The following AMZ1 variants were observed in gnomAD, a reference collection of about 807,000 sequenced individuals.
The protein encoded by AMZ1 is archaelysin family metallopeptidase 1.
A neutral mutation model predicts 29.9 loss-of-function variants in AMZ1; 39 were observed. That is an observed-to-expected ratio of 1.30 (90% CI 1.01 to 1.70). AMZ1 has a LOEUF of 1.70. Ranked by LOEUF, AMZ1 falls within the 40% of genes most tolerant of loss-of-function variation. The pLI is 0.00. For missense variants in AMZ1, 1,041 were observed against 680.6 expected (o/e 1.53, Z -5.89); for synonymous variants, 458 against 304.0 (o/e 1.51, Z -5.27).
intron 6 of AMZ1, among the ~76,000 whole-genome samples, chr7:2,711,330 A>T (rs1313637409): frequency 2.6e-5 from 4 of 152,218 alleles, no homozygotes; most frequent in African/African-American, 7.2e-5. Context: ...CACTGACAGC[A>T]ATCAGTGAAA....
chr7:2,708,127 C>T (rs552663440), intron 3 of AMZ1, among the ~76,000 whole-genome samples: 28 of 152,214 alleles, frequency 1.8e-4, no homozygotes, highest in South Asian at 6.2e-4. Flanking sequence ...CCGGCCTTAC[C>T]GAGGGTTCTT....
At chr7:2,721,681 A>G (rs1789426549), downstream of AMZ1, among the ~76,000 whole-genome samples, 1 of 149,972 alleles carries the variant, frequency 6.7e-6, no homozygotes, top group South Asian at 2.1e-4. Context: ...GCGACACTGC[A>G]CTCCAACCTG....
At chr7:2,741,637 G>A (rs182832128) in intron 4 of AMZ1, among the ~76,000 whole-genome samples, 43 of 151,902 alleles carry the variant, frequency 2.8e-4, no homozygotes, top group African/African-American at 9.7e-4. Flanking sequence ...TCTTTCTCTA[G>A]ATTCACCTGT....
Position 2,731,462 on chromosome 7 carries a change from C to T in AMZ1, n.550+21646C>T, listed in dbSNP as rs771969963. 1.2e-5 allele frequency: 20 copies of T among 1,613,764 alleles called. No homozygotes were observed. Among genetic ancestry groups the T allele is most frequent in the Admixed American group, 6.7e-5 (4 of 59,994 alleles). ...TTGTTGAGGAAGAGAATGATGGAGA[C>T]GTTGAAGAAGAGCTTGTTGTTGACG... On this transcript the variant is annotated intron_variant and non_coding_transcript_variant, in intron 4 of 4. Transcript: ENST00000489665. The surrounding 1 kb of genome is among the most constrained non-coding windows in gnomAD (Gnocchi z 6.0).
downstream of AMZ1, among the ~76,000 whole-genome samples, chr7:2,724,431 G>T (rs2115252806): frequency 6.6e-6 from 1 of 152,314 alleles, no homozygotes; most frequent in Admixed American, 6.5e-5. Context: ...TTAATTAAAG[G>T]GTGCCAAGGT....
At chr7:2,754,919 T>C (rs1791218732) in intron 4 of AMZ1, among the ~76,000 whole-genome samples, 1 of 152,256 alleles carries the variant, frequency 6.6e-6, no homozygotes. Flanking sequence ...TTTAGAGTTC[T>C]GCGCTTTACA....
At chr7:2,686,769 C>G (rs1346855876), upstream of AMZ1, among the ~76,000 whole-genome samples, 1 of 151,864 alleles carries the variant, frequency 6.6e-6, no homozygotes, top group Admixed American at 6.6e-5. Context: ...GGCTGGAGTG[C>G]AGTGGCATAA....
chr7:2,712,427 A>C lies in AMZ1; in HGVS notation c.1046A>C (p.Asp349Ala), dbSNP rs1164564211. Reference sequence around the variant, plus strand: ...GAGGACACCCCGCCTGCCAGCGCCGACTCGGGCATGTGCTGTGAGAGTGAC... The same window carrying C: ...GAGGACACCCCGCCTGCCAGCGCCGCCTCGGGCATGTGCTGTGAGAGTGAC... ...VWEDTPPASA[D>A]SGMCCESDSE... The change falls in exon 7 of 7, where the codon GAC (aspartate) becomes GCC (alanine). Residue 349 changes from aspartate (D) to alanine (A), a missense_variant. Physicochemically the swap from Asp to Ala is moderately radical, Grantham distance 126 (BLOSUM62 -2). Coordinates refer to ENST00000683327, the MANE Select transcript of AMZ1 (RefSeq NM_001384743.1). The C allele has an allele frequency of 1.2e-6, 2 of 1,611,658 alleles. No homozygotes were observed. Among genetic ancestry groups the C allele is most frequent in the Admixed American group, 3.3e-5 (2 of 59,928 alleles).
At chr7:2,741,073 TAATC>T (rs923977520) in intron 4 of AMZ1, among the ~76,000 whole-genome samples, 3 of 148,208 alleles carry the variant, frequency 2.0e-5, no homozygotes, top group African/African-American at 5.0e-5. Flanking sequence ...AACAAACAAA[TAATC>T]AAACAAAAAA....
At chr7:2,721,128 C>T (rs558847562), downstream of AMZ1, among the ~76,000 whole-genome samples, 4 of 152,246 alleles carry the variant, frequency 2.6e-5, no homozygotes, top group South Asian at 6.2e-4. Flanking sequence ...CACTGGGTGG[C>T]GCGGGAGGTT....
At chr7:2,733,508 G>C (rs372216044) in intron 4 of AMZ1, 6 of 1,611,884 alleles carry the variant, frequency 3.7e-6, no homozygotes, top group Non-Finnish European at 5.1e-6. Context: ...CCCCCTGTCA[G>C]GAAGGAAGAA....
intron 4 of AMZ1, among the ~76,000 whole-genome samples, chr7:2,747,845 TA>T (rs1790842439): frequency 6.6e-6 from 1 of 152,074 alleles, no homozygotes. Flanking sequence ...GTACAAAAAT[TA>T]CAAGCATTCT....
rs1286716649 is a variant in AMZ1 at position 2,714,422 on chromosome 7, T to C, written c.*1544T>C. ...CGTGTTGACTTCAGAGAAGCAAAGA[T>C]GCAGCTCAGAAGTAGCATTAGGATC... On this transcript the variant is annotated 3_prime_UTR_variant, in exon 7 of 7. Coordinates refer to ENST00000683327, the MANE Select transcript of AMZ1 (RefSeq NM_001384743.1). The C allele has an allele frequency of 6.6e-6, 1 of 152,340 alleles. No individual in the cohort carries two copies. Among genetic ancestry groups the C allele is most frequent in the Non-Finnish European group, 1.5e-5 (1 of 68,042 alleles). The allele number at this position is 152,340 out of a possible 1,614,324, so 9.4% of individuals were successfully genotyped here.
chr7:2,759,002 T>C (rs1400599455), intron 4 of AMZ1, among the ~76,000 whole-genome samples: 1 of 150,812 alleles, frequency 6.6e-6, no homozygotes, highest in Non-Finnish European at 1.5e-5. Flanking sequence ...TAGCGGGGCG[T>C]GGTGGTGGGC....
rs769571886 is a variant in AMZ1 at position 2,708,543 on chromosome 7, T to TC, written c.473-41dup. 2.6e-5 allele frequency: 42 copies of TC among 1,605,564 alleles called. 1 individual carries two copies. In the South Asian group the frequency reaches 4.5e-4, roughly 17 times the overall value. Reference sequence around the variant, plus strand: ...CCAGCCTGAGCCTGGAAGATGGGGGTCCCCGGCTGCCTCCTGACCCCATCC... The same window carrying TC: ...CCAGCCTGAGCCTGGAAGATGGGGGTCCCCCGGCTGCCTCCTGACCCCATCC... On this transcript the variant is annotated intron_variant, in intron 3 of 6. Coordinates refer to ENST00000683327, the MANE Select transcript of AMZ1 (RefSeq NM_001384743.1).
At chr7:2,753,123 T>C (rs760006042) in intron 4 of AMZ1, among the ~76,000 whole-genome samples, 4 of 151,960 alleles carry the variant, frequency 2.6e-5, no homozygotes, top group Non-Finnish European at 5.9e-5. Context: ...TTTTCTAGAG[T>C]GTACTTAAAG....
At chr7:2,696,239 T>C (rs1787713804) in intron 1 of AMZ1, among the ~76,000 whole-genome samples, 3 of 149,686 alleles carry the variant, frequency 2.0e-5, no homozygotes, top group South Asian at 4.3e-4. Context: ...ACAGTGCGGT[T>C]TGTGGCTCTT....
At chr7:2,743,961 G>C (rs576680556) in intron 4 of AMZ1, among the ~76,000 whole-genome samples, 5 of 152,118 alleles carry the variant, frequency 3.3e-5, no homozygotes, top group Non-Finnish European at 5.9e-5. Flanking sequence ...AGGCAGCAGC[G>C]AGGCTGGGGG....
rs1182714914 is a variant in AMZ1, at chr7:2,688,227, C to G, written c.-288C>G. 1 of 152,054 alleles carries G rather than the reference C, an allele frequency of 6.6e-6. No homozygotes were observed. The highest frequency in any genetic ancestry group is 1.5e-5 in the Non-Finnish European group (1 of 68,034). 9.4% of individuals were successfully genotyped at this position (152,054 alleles called of 1,614,324 possible). A position where few individuals can be genotyped will look rare whatever the true frequency, so the allele number is the denominator to read the frequency against. ...GATCCTCCCGGCCCAGGCCGAGCTG[C>G]CCACGCTGCTGCCCGGGGCTCGGTG... On this transcript the variant is annotated 5_prime_UTR_variant, in exon 1 of 7. Transcript: ENST00000683327.
Sources: allele counts gnomAD v4.1 joint callset (sites outside exome capture counted in the v4.1 genomes callset), GRCh38; gene constraint gnomAD v4.1.1; non-coding constraint Gnocchi (gnomAD v3.1); transcripts MANE v1.5; gene names NCBI Gene and HGNC (gene_info 2026-07-23, HGNC 2026-07-21).